GUCY2F: variants seen among roughly 807,000 people sequenced by gnomAD.
GUCY2F encodes retinal guanylyl cyclase 2.
In GUCY2F, 61 loss-of-function variants were observed where a neutral mutation model predicts 73.1. The ratio of observed to expected loss-of-function variants is 0.83; its 90% confidence interval spans 0.68 to 1.03. The LOEUF is 1.03. GUCY2F is among the 50% of genes least tolerant of loss of function. The pLI is 0.00. For missense variants in GUCY2F, 912 were observed against 854.3 expected (o/e 1.07, Z -0.84); for synonymous variants, 331 against 307.8 (o/e 1.08, Z -0.79).
chrX:109,393,142 T>A, intron 12 of GUCY2F, 87 bp from the exon 13 acceptor site: 1 of 535,028 alleles, frequency 1.9e-6, no homozygotes, highest in Non-Finnish European at 3.2e-6. Flanking sequence ...CACAAATCCA[T>A]TCCACCAAAA....
intron 16 of GUCY2F, 21 bp downstream of exon 16, chrX:109,385,163 A>G (rs1930406327): frequency 1.1e-6 from 1 of 871,466 alleles, no homozygotes; most frequent in Non-Finnish European, 1.7e-6. Context: ...CATCCTATCC[A>G]TCTCTCTATT....
intron 3 of GUCY2F, among the ~76,000 whole-genome samples, chrX:109,462,758 C>A (rs1329138543): frequency 2.7e-5 from 3 of 111,830 alleles, no homozygotes; most frequent in Non-Finnish European, 5.6e-5. Context: ...TTCCTTTGAT[C>A]CTTTGATTAA....
At chrX:109,471,992 A>G (rs1932584363) in intron 2 of GUCY2F, among the ~76,000 whole-genome samples, 1 of 111,872 alleles carries the variant, frequency 8.9e-6, no homozygotes, top group African/African-American at 3.3e-5. Context: ...CCAAGAGTGC[A>G]TGGCTATTAT....
At position 109,448,157 on chromosome X, in the gene GUCY2F, A is replaced by G. The variant is rs751936294; in HGVS notation, c.1481T>C (p.Ile494Thr). ...NGFAYFIRRR[I>T]NKIQLIKGPN... ...TCCTTTGATCAACTGGATTTTATTT[A>G]TACGACGCCTAAAACAAACATGAAA... The change falls in exon 6 of 20, where the codon ATA becomes ACA. Residue 494 changes from isoleucine (I) to threonine (T), a missense_variant. Physicochemically the swap from Ile to Thr is moderately conservative, Grantham distance 89. Transcript: ENST00000218006. 7 of 1,041,055 alleles carry G rather than the reference A, an allele frequency of 6.7e-6. No homozygotes were observed. The highest frequency in any genetic ancestry group is 9.5e-6 in the Non-Finnish European group (7 of 740,653). 85.8% of individuals were successfully genotyped at this position (1,041,055 alleles called of 1,213,427 possible).
In GUCY2F at chrX:109,395,413, A is replaced by G. The variant is rs370331656; in HGVS notation, c.2352T>C (p.Cys784=). 6.2e-5 allele frequency: 74 copies of G among 1,198,039 alleles called. No homozygotes were observed. Among genetic ancestry groups the G allele is most frequent in the Non-Finnish European group, 7.7e-5 (68 of 884,237 alleles). ...CCCAGCACTGCTTCATCAGCTGGAG[A>G]CATTCTGGAGGGGCATGCTCAGGAG... The part of the protein sequence containing the change: ...VVPPEHAPPE[C]LQLMKQCWAE... Residue 784 remains cysteine, a synonymous_variant, in exon 12 of 20, where the codon TGT becomes TGC. Transcript: ENST00000218006.
At chrX:109,384,054 C>T (rs1335040070) in intron 16 of GUCY2F, among the ~76,000 whole-genome samples, 6 of 112,683 alleles carry the variant, frequency 5.3e-5, no homozygotes, top group Non-Finnish European at 9.4e-5. Flanking sequence ...TCCCAGATGT[C>T]AGAAAATTTA....
intron 8 of GUCY2F, among the ~76,000 whole-genome samples, chrX:109,413,396 T>C (rs1931159379): frequency 9.0e-6 from 1 of 111,507 alleles, no homozygotes; most frequent in African/African-American, 3.3e-5. Context: ...TAGCTTCATA[T>C]TTGACAAGAC....
At chrX:109,380,939 G>A (rs762891622) in intron 17 of GUCY2F, among the ~76,000 whole-genome samples, 156 of 112,034 alleles carry the variant, frequency 1.4e-3, no homozygotes, top group African/African-American at 4.8e-3. Context: ...GATCACAAAA[G>A]CTTTGGACAG....
intron 1 of GUCY2F, among the ~76,000 whole-genome samples, chrX:109,477,083 G>T (rs1207671946): frequency 2.7e-5 from 3 of 111,247 alleles, no homozygotes; most frequent in Non-Finnish European, 3.8e-5. Flanking sequence ...AAGACTGGAG[G>T]CAAAGAGACC....
intron 17 of GUCY2F, among the ~76,000 whole-genome samples, chrX:109,378,269 G>A (rs1454933505): frequency 9.0e-6 from 1 of 111,650 alleles, no homozygotes; most frequent in African/African-American, 3.3e-5. Flanking sequence ...AATAGGCACA[G>A]CTGGGACTTG....
intron 6 of GUCY2F, among the ~76,000 whole-genome samples, chrX:109,446,986 A>C (rs1932026653): frequency 8.9e-6 from 1 of 112,608 alleles, no homozygotes; most frequent in South Asian, 3.7e-4. Context: ...GACACTTCTC[A>C]AAAGAAGACA....
intron 4 of GUCY2F, among the ~76,000 whole-genome samples, chrX:109,452,408 T>TA (rs1932154832): frequency 2.7e-5 from 3 of 112,076 alleles, no homozygotes; most frequent in African/African-American, 9.7e-5. Flanking sequence ...TTGAGTACCT[T>TA]AATTTAAGTT....
At chrX:109,441,630 C>G in intron 6 of GUCY2F, 148 bp from the exon 7 acceptor site, 1 of 383,945 alleles carries the variant, frequency 2.6e-6, no homozygotes, top group Non-Finnish European at 4.3e-6. Flanking sequence ...CCCTATCCTT[C>G]TGAACTTTTT....
At chrX:109,399,534 C>T (rs1326829302) in intron 10 of GUCY2F, among the ~76,000 whole-genome samples, 1 of 111,510 alleles carries the variant, frequency 9.0e-6, no homozygotes, top group East Asian at 2.8e-4. Context: ...GGGTGGGGGG[C>T]ACTGTAAGCA....
intron 8 of GUCY2F, among the ~76,000 whole-genome samples, chrX:109,413,646 T>C (rs1034889125): frequency 2.7e-5 from 3 of 110,656 alleles, no homozygotes; most frequent in African/African-American, 9.9e-5. Flanking sequence ...ACTCAAGTGA[T>C]CCACTCGCCT....
chrX:109,404,452 A>T lies in GUCY2F; in HGVS notation c.2001T>A (p.Val667=), dbSNP rs747408341. Residue 667 remains valine (V), a synonymous_variant, in exon 10 of 20, where the codon GTT becomes GTA. Coordinates refer to ENST00000218006, the MANE Select transcript of GUCY2F (RefSeq NM_001522.3). ...GMKYLHHREF[V]HGRLKSRNCV... ...AGTTTCGAGACTTTAGCCTCCCATG[A>T]ACAAACTCTCTGTGGTGTAAGTACT... The T allele has an allele frequency of 5.0e-6, 6 of 1,194,750 alleles. No individual in the cohort carries two copies. In the South Asian group the frequency reaches 1.1e-4, roughly 21 times the overall value.
chrX:109,449,522 A>G (rs1269330792), intron 5 of GUCY2F, among the ~76,000 whole-genome samples: 3 of 111,918 alleles, frequency 2.7e-5, no homozygotes, highest in African/African-American at 9.8e-5. Flanking sequence ...AGTAGAAAGC[A>G]AACTGGACTC....
chrX:109,384,912 A>G (rs193293892), intron 16 of GUCY2F, among the ~76,000 whole-genome samples: 4 of 111,714 alleles, frequency 3.6e-5, no homozygotes, highest in African/African-American at 1.3e-4. Flanking sequence ...AGCTGTTTTT[A>G]TCAAATTGAG....
chrX:109,464,067 G>C (rs1932418034), intron 3 of GUCY2F, among the ~76,000 whole-genome samples: 2 of 112,552 alleles, frequency 1.8e-5, no homozygotes, highest in African/African-American at 6.5e-5. Context: ...GCAAATGCCA[G>C]AGCTTTTAAA....
Sources: gnomAD v4.1 joint callset for allele counts (sites outside exome capture counted in the v4.1 genomes callset) on GRCh38, gnomAD v4.1.1 for gene constraint, MANE v1.5 for transcripts, NCBI Gene and HGNC (gene_info 2026-07-23, HGNC 2026-07-21) for gene names.